ALCAM: variants seen among roughly 807,000 people sequenced by gnomAD.
The protein encoded by ALCAM is CD166 antigen.
ALCAM carries 30 observed loss-of-function variants against 70.9 expected under a neutral mutation model. That is an observed-to-expected ratio of 0.42 (90% confidence interval 0.32 to 0.57). The LOEUF is 0.57. ALCAM is among the 20% of genes least tolerant of loss of function. The probability of loss-of-function intolerance (pLI) is 0.11; values close to 1 mark genes in which losing one functional copy is unlikely to be tolerated. For synonymous variants in ALCAM, 249 were observed against 242.5 expected, an observed-to-expected ratio of 1.03 and a Z score of -0.25; for missense variants, 591 against 695.1, an observed-to-expected ratio of 0.85 and a Z score of 1.68.
chr3:105,541,211 T>C (rs1171561161), intron 7 of ALCAM, among the ~76,000 whole-genome samples: 2 of 151,816 alleles, frequency 1.3e-5, no homozygotes, highest in Non-Finnish European at 2.9e-5. Context: ...CTTTCTTCCT[T>C]TTTACTTTCC....
At position 105,520,194 on chromosome 3, in the gene ALCAM, T is replaced by A. The variant is rs773650404; in HGVS notation, c.174+27T>A. The A allele has an allele frequency of 6.2e-6, 9 of 1,444,914 alleles. No homozygotes were observed. The African/African-American group carries it at 7.0e-5, about 11-fold the overall frequency. 89.5% of individuals were successfully genotyped at this position (1,444,914 alleles called of 1,614,324 possible). A position where few individuals can be genotyped will look rare whatever the true frequency, so the allele number is the denominator to read the frequency against. ...TAAGTGTGACCTACCTGGGACTTGG[T>A]TAATTGCCCTTGTTCTTTTAAATAA... On this transcript the variant is annotated intron_variant, in intron 2 of 15. Coordinates refer to ENST00000306107, the MANE Select transcript of ALCAM (RefSeq NM_001627.4).
At chr3:105,530,464 T>A (rs1321590227) in intron 3 of ALCAM, among the ~76,000 whole-genome samples, 1 of 152,038 alleles carries the variant, frequency 6.6e-6, no homozygotes, top group African/African-American at 2.4e-5. Flanking sequence ...CATTTTATGG[T>A]CACTATCCTA....
Position 105,406,346 on chromosome 3 carries a change from G to A in ALCAM, c.73+38865G>A, listed in dbSNP as rs1446271939. 4.6e-5 allele frequency among the ~76,000 whole-genome samples: 7 copies of A among 152,218 alleles called. No individual in the cohort carries two copies. The South Asian group carries it at 8.3e-4, about 18-fold the overall frequency. The stretch of plus-strand genomic sequence containing the variant: ...AATGGGTCCTATTAAGAATTCCTTC[G>A]TTATTTTGTCATGCTTTAAGGCCCA... On this transcript the variant is annotated intron_variant, in intron 1 of 15. Coordinates refer to ENST00000306107, the MANE Select transcript of ALCAM (RefSeq NM_001627.4).
At chr3:105,552,431 T>C (rs1023088161) in intron 13 of ALCAM, 37 bp from the exon 14 acceptor site, 3 of 1,585,706 alleles carry the variant, frequency 1.9e-6, no homozygotes, top group Non-Finnish European at 2.6e-6. Flanking sequence ...TCCTTGGCAT[T>C]GTCTGTAATT....
intron 1 of ALCAM, among the ~76,000 whole-genome samples, chr3:105,395,558 T>G (rs978040835): frequency 1.3e-5 from 2 of 152,048 alleles, no homozygotes; most frequent in African/African-American, 4.8e-5. Flanking sequence ...TTTCTTTTAC[T>G]ATTAAGTTAA....
intron 1 of ALCAM, among the ~76,000 whole-genome samples, chr3:105,413,789 A>G (rs1936445029): frequency 6.6e-6 from 1 of 152,166 alleles, no homozygotes; most frequent in Non-Finnish European, 1.5e-5. Flanking sequence ...CTTTCAATTA[A>G]ATAATGCAAA....
chr3:105,481,743 C>T (rs552817798), intron 1 of ALCAM, among the ~76,000 whole-genome samples: 42 of 151,990 alleles, frequency 2.8e-4, no homozygotes, highest in African/African-American at 1.0e-3. Flanking sequence ...CAGAGGTTTT[C>T]TTTTTTGGAG....
chr3:105,431,413 C>G (rs1446518459), intron 1 of ALCAM, among the ~76,000 whole-genome samples: 1 of 152,030 alleles, frequency 6.6e-6, no homozygotes, highest in Non-Finnish European at 1.5e-5. Flanking sequence ...CAGCTCTGGT[C>G]CATGGTTGCC....
At chr3:105,547,324 AG>A (rs1940274077) in intron 10 of ALCAM, 40 bp downstream of exon 10, 1 of 1,576,844 alleles carries the variant, frequency 6.3e-7, no homozygotes, top group South Asian at 1.2e-5. Flanking sequence ...TTGTTCTTTG[AG>A]AATTTTTTAC....
chr3:105,512,759 G>A (rs1259960060), intron 1 of ALCAM, among the ~76,000 whole-genome samples: 3 of 151,738 alleles, frequency 2.0e-5, no homozygotes, highest in Admixed American at 2.0e-4. Context: ...ATCATACTTT[G>A]CTAGTTATTT....
At chr3:105,428,580 G>T (rs1936851845) in intron 1 of ALCAM, among the ~76,000 whole-genome samples, 1 of 151,838 alleles carries the variant, frequency 6.6e-6, no homozygotes, top group South Asian at 2.1e-4. Context: ...TGCAAAGATA[G>T]ACATTACAGT....
At chr3:105,473,031 T>C (rs1050391999) in intron 1 of ALCAM, among the ~76,000 whole-genome samples, 2 of 151,474 alleles carry the variant, frequency 1.3e-5, no homozygotes, top group Admixed American at 6.6e-5. Context: ...GACTCACATG[T>C]TGGTTGGAAA....
At chr3:105,514,468 A>C (rs1431494943) in intron 1 of ALCAM, among the ~76,000 whole-genome samples, 4 of 151,980 alleles carry the variant, frequency 2.6e-5, no homozygotes, top group Non-Finnish European at 5.9e-5. Flanking sequence ...TAAATTAAGA[A>C]GGTAATTTTC....
chr3:105,550,389 A>G (rs1183463145), intron 12 of ALCAM, 130 bp downstream of exon 12: 3 of 924,000 alleles, frequency 3.2e-6, no homozygotes, highest in East Asian at 2.8e-5. Context: ...TGCATTTGGT[A>G]TCATCATCAT....
Position 105,373,768 on chromosome 3 carries a change from G to A in ALCAM, c.73+6287G>A, listed in dbSNP as rs150207977. Among the ~76,000 whole-genome samples, 671 of 152,262 alleles carry A rather than the reference G, an allele frequency of 4.4e-3. 2 individuals are homozygous for A. The highest frequency in any genetic ancestry group is 0.013 in the South Asian group (63 of 4,828). On this transcript the variant is annotated intron_variant, in intron 1 of 15. Transcript: ENST00000306107. ...AGTCTAGTTAAGAGCTTGACACCTA[G>A]AAGCTGCTTCACATTTTTTCTTTGC...
At chr3:105,568,263 A>G (rs1940789327) in intron 14 of ALCAM, among the ~76,000 whole-genome samples, 1 of 151,912 alleles carries the variant, frequency 6.6e-6, no homozygotes, top group African/African-American at 2.4e-5. Flanking sequence ...AAAATTTTAG[A>G]CAAAAAACTT....
chr3:105,468,501 T>C (rs1436377703), intron 1 of ALCAM, among the ~76,000 whole-genome samples: 1 of 151,316 alleles, frequency 6.6e-6, no homozygotes, highest in Non-Finnish European at 1.5e-5. Context: ...GAATATAGAA[T>C]ATGCATCATT....
At chr3:105,567,213 T>G (rs1420297954) in intron 14 of ALCAM, among the ~76,000 whole-genome samples, 1 of 152,198 alleles carries the variant, frequency 6.6e-6, no homozygotes, top group East Asian at 1.9e-4. Flanking sequence ...TATGATTAAC[T>G]TGAGTGTGTT....
chr3:105,410,676 T>C (rs993778066), intron 1 of ALCAM, among the ~76,000 whole-genome samples: 1 of 152,026 alleles, frequency 6.6e-6, no homozygotes, highest in African/African-American at 2.4e-5. Context: ...GCAGGTTCAA[T>C]TGACTTAACA....
Sources: gnomAD v4.1 joint callset for allele counts (sites outside exome capture counted in the v4.1 genomes callset) on GRCh38, gnomAD v4.1.1 for gene constraint, MANE v1.5 for transcripts, NCBI Gene and HGNC (gene_info 2026-07-23, HGNC 2026-07-21) for gene names.